The following LIG3 variants were observed in gnomAD, a reference collection of about 807,000 sequenced individuals.
LIG3 encodes DNA ligase 3, also known as ligase II, DNA, ATP-dependent.
LIG3 carries 58 observed loss-of-function variants against 110.9 expected under a neutral mutation model. The ratio of observed to expected loss-of-function variants is 0.52; its 90% confidence interval spans 0.42 to 0.65. The LOEUF (loss-of-function observed/expected upper bound fraction) is 0.65, where lower values mean the gene tolerates loss of function less well. Ranked by LOEUF, LIG3 falls within the 30% of genes least tolerant of loss-of-function variation. LIG3 has a pLI of 0.00. For missense variants in LIG3, 1,094 were observed against 1,273.8 expected (o/e 0.86, Z 2.15); for synonymous variants, 422 against 472.8 (o/e 0.89, Z 1.39).
At position 34,991,088 on chromosome 17, in the gene LIG3, GA is replaced by G; in HGVS notation, c.1016del (p.Asp339ValfsTer7). On this transcript the variant is annotated frameshift_variant, in exon 5 of 20. Transcript: ENST00000378526. LOFTEE classifies it high-confidence loss of function. The stretch of plus-strand genomic sequence containing the variant: ...CAGTCGCATTTTTAACTGCAACCCA[GA>G]TGATATGGCACGGGACCTAGAGCAG... ...LFSRIFNCNP[D>X]DMARDLEQGD... The G allele has an allele frequency of 6.2e-7, 1 of 1,614,138 alleles. No individual in the cohort carries two copies. The highest frequency in any genetic ancestry group is 8.5e-7 in the Non-Finnish European group (1 of 1,180,028).
rs1331964921 is a variant in LIG3, at chr17:35,007,454, CCTCTACATGCTG to C, written c.*2951_*2962del. The C allele has an allele frequency of 6.6e-6, 1 of 152,234 alleles. No individual in the cohort carries two copies. The highest frequency in any genetic ancestry group is 1.9e-4 in the East Asian group (1 of 5,188). 9.4% of individuals were successfully genotyped at this position (152,234 alleles called of 1,614,324 possible). ...ATGCTGGAGGCCTCCCTCTTCTGAACCTCTACATGCTGCTGGCTGGCATCAAGCAGAGGTCAT... is the reference window on the plus strand; with the variant it reads ...ATGCTGGAGGCCTCCCTCTTCTGAACCTGGCTGGCATCAAGCAGAGGTCAT... On this transcript the variant is annotated 3_prime_UTR_variant, in exon 20 of 20. Coordinates refer to ENST00000378526, the MANE Select transcript of LIG3 (RefSeq NM_013975.4).
At chr17:34,991,456 G>C (rs1294027385) in intron 5 of LIG3, 2 of 599,370 alleles carry the variant, frequency 3.3e-6, no homozygotes, top group Admixed American at 3.3e-5. Context: ...CCAAGCTTTG[G>C]TTTGTCCGTG....
In LIG3 at chr17:35,004,349, ACTT is replaced by A; in HGVS notation, c.2874_2876del (p.Phe959del). 1 of 1,614,158 alleles carries A rather than the reference ACTT, an allele frequency of 6.2e-7. No individual in the cohort carries two copies. Among genetic ancestry groups the A allele is most frequent in the Non-Finnish European group, 8.5e-7 (1 of 1,180,042 alleles). On this transcript the variant is annotated inframe_deletion, in exon 20 of 20. Coordinates refer to ENST00000378526, the MANE Select transcript of LIG3 (RefSeq NM_013975.4). ...CCAGACTTCAGCCGTCTCAGACGCT[ACTT>A]TGTGGCATTCGACGGGGACCTGGTA... is the stretch of plus-strand genomic sequence containing the variant.
rs1416614328 is a variant in LIG3, at chr17:34,998,315, G to GCTT, written c.1989+22_1989+24dup. 1 of 1,603,678 alleles carries GCTT rather than the reference G, an allele frequency of 6.2e-7. No homozygotes were observed. Among genetic ancestry groups the GCTT allele is most frequent in the African/African-American group, 1.3e-5 (1 of 74,700 alleles). Reference sequence around the variant, plus strand: ...TGTGAAGGTAAAGTGGCCTCGCTTGGCTTCTCCTGTCGACTCACTCGCAGC... The same window carrying GCTT: ...TGTGAAGGTAAAGTGGCCTCGCTTGGCTTCTTCTCCTGTCGACTCACTCGCAGC... On this transcript the variant is annotated intron_variant, in intron 13 of 19. Coordinates refer to ENST00000378526, the MANE Select transcript of LIG3 (RefSeq NM_013975.4).
In LIG3 at chr17:34,996,581, C is replaced by T; in HGVS notation, c.1751C>T (p.Ala584Val). 1.2e-6 allele frequency: 2 copies of T among 1,613,672 alleles called. No homozygotes were observed. The highest frequency in any genetic ancestry group is 1.7e-6 in the Non-Finnish European group (2 of 1,179,722). Residue 584 changes from alanine (A) to valine (V), a missense_variant, in exon 11 of 20, where the codon GCC (alanine) becomes GTC (valine). Physicochemically the swap from Ala to Val is moderately conservative, Grantham distance 64 (BLOSUM62 0). Coordinates refer to ENST00000378526, the MANE Select transcript of LIG3 (RefSeq NM_013975.4). ...FGTLGVHKKA[A>V]FQDANVCLFV... ...CCTCATTTTCCCTTACAGAAAGCAG[C>T]CTTCCAGGATGCTAATGTCTGCCTG... is the stretch of plus-strand genomic sequence containing the variant.
At chr17:34,992,268 G>A (rs2090729945) in intron 7 of LIG3, among the ~76,000 whole-genome samples, 3 of 152,238 alleles carry the variant, frequency 2.0e-5, no homozygotes, top group South Asian at 4.1e-4. Context: ...TGTGGCATAC[G>A]TTCAGTGAGT....
chr17:34,998,113 G>T, intron 12 of LIG3, 106 bp from the exon 13 acceptor site: 2 of 804,702 alleles, frequency 2.5e-6, no homozygotes, highest in East Asian at 2.5e-5. Flanking sequence ...TTCAAGTAAG[G>T]GTGTTTCCAG....
chr17:34,989,493 C>A lies in LIG3; in HGVS notation c.719C>A (p.Pro240His). ...SAKPNNSGEA[P>H]SSPTPKRSLS... The stretch of plus-strand genomic sequence containing the variant: ...AAGCCCAACAACTCTGGGGAAGCCC[C>A]CTCGAGCCCCACCCCTAAGAGAAGT... The change falls in exon 4 of 20, where the codon CCC becomes CAC. Residue 240 changes from proline (P) to histidine (H), a missense_variant. Pro to His is a moderately conservative substitution (Grantham distance 77). Coordinates refer to ENST00000378526, the MANE Select transcript of LIG3 (RefSeq NM_013975.4). 1 of 1,614,032 alleles carries A rather than the reference C, an allele frequency of 6.2e-7. No homozygotes were observed. The highest frequency in any genetic ancestry group is 1.3e-5 in the African/African-American group (1 of 75,006).
chr17:34,996,512 T>G, intron 10 of LIG3, 62 bp from the exon 11 acceptor site: 3 of 1,318,304 alleles, frequency 2.3e-6, no homozygotes, highest in Non-Finnish European at 3.3e-6. Flanking sequence ...GGACTGGTAC[T>G]CCTTATTTTT....
At position 35,004,408 on chromosome 17, in the gene LIG3, G is replaced by A. The variant is rs755498333; in HGVS notation, c.2932G>A (p.Val978Met). 41 of 1,614,094 alleles carry A rather than the reference G, an allele frequency of 2.5e-5. No homozygotes were observed. Among genetic ancestry groups the A allele is most frequent in the Non-Finnish European group, 3.4e-5 (40 of 1,180,050 alleles). ...ATTTGATATGACTTCAGCCACGCACGTGCTGGGTAGCAGGGACAAGAACCC... is the reference window on the plus strand; with the variant it reads ...ATTTGATATGACTTCAGCCACGCACATGCTGGGTAGCAGGGACAAGAACCC... ...QEFDMTSATH[V>M]LGSRDKNPAA... Residue 978 changes from valine to methionine, a missense_variant, in exon 20 of 20, where the codon GTG (valine) becomes ATG (methionine). Physicochemically the swap from Val to Met is conservative, Grantham distance 21. Transcript: ENST00000378526.
chr17:34,999,650 C>A, intron 15 of LIG3, 132 bp from the exon 16 acceptor site: 1 of 1,078,308 alleles, frequency 9.3e-7, no homozygotes, highest in Non-Finnish European at 1.4e-6. Context: ...CATACCCACT[C>A]TGGGCTGGGA....
intron 11 of LIG3, 135 bp downstream of exon 11, chr17:34,996,788 C>T (rs988031239): frequency 1.5e-5 from 11 of 734,440 alleles, no homozygotes; most frequent in Admixed American, 1.1e-4. Flanking sequence ...TGCTCAGGAG[C>T]TTGCCAAAGG....
At chr17:35,002,905 T>G (rs2090859440) in intron 19 of LIG3, 116 bp downstream of exon 19, 3 of 1,600,826 alleles carry the variant, frequency 1.9e-6, no homozygotes, top group Non-Finnish European at 8.5e-7. Context: ...GAACATCGGC[T>G]AAACCTCTTC....
rs760369065 is a variant in LIG3 at position 34,994,347 on chromosome 17, C to G, written c.1527C>G (p.Tyr509Ter). 1 of 1,614,092 alleles carries G rather than the reference C, an allele frequency of 6.2e-7. No individual in the cohort carries two copies. Among genetic ancestry groups the G allele is most frequent in the East Asian group, 2.2e-5 (1 of 44,878 alleles). ...ATGGCATGTTCTCTGAGATCAAGTACGATGGAGAGCGAGTCCAGGTGCATA... is the reference window on the plus strand; with the variant it reads ...ATGGCATGTTCTCTGAGATCAAGTAGGATGGAGAGCGAGTCCAGGTGCATA... ...CPNGMFSEIK[Y>*]DGERVQVHKN... The change falls in exon 9 of 20, where the codon TAC (tyrosine) becomes TAG (stop). Residue 509 changes from tyrosine to a stop codon, truncating the protein, a stop_gained. Coordinates refer to ENST00000378526, the MANE Select transcript of LIG3 (RefSeq NM_013975.4). LOFTEE classifies it high-confidence loss of function.
chr17:34,983,673 G>A, intron 2 of LIG3, 121 bp downstream of exon 2: 2 of 976,232 alleles, frequency 2.0e-6, no homozygotes, highest in South Asian at 1.8e-5. Context: ...GTCTCACTCT[G>A]TTGCCTAGGC....
intron 19 of LIG3, chr17:35,003,578 G>A (rs2090867848): frequency 6.1e-6 from 1 of 162,632 alleles, no homozygotes; most frequent in African/African-American, 2.4e-5. Flanking sequence ...GTCTCCCAAA[G>A]TGCTGGGATT....
rs1319603214 is a variant in LIG3, at chr17:35,008,618, TTTTG to T, written c.*4118_*4121del. 4 of 151,454 alleles carry T rather than the reference TTTTG, an allele frequency of 2.6e-5. No individual in the cohort carries two copies. The highest frequency in any genetic ancestry group is 4.9e-5 in the African/African-American group (2 of 41,060). 9.4% of individuals were successfully genotyped at this position (151,454 alleles called of 1,614,324 possible). On this transcript the variant is annotated 3_prime_UTR_variant, in exon 20 of 20. Transcript: ENST00000378526. The stretch of plus-strand genomic sequence containing the variant: ...GCTAATTTTTTGGTTTTTTTGGGTT[TTTTG>T]TTTGTGTTTTTTTTTGTTTTGTTTT...
chr17:34,983,584 C>G, intron 2 of LIG3, 32 bp downstream of exon 2: 1 of 1,577,770 alleles, frequency 6.3e-7, no homozygotes, highest in Non-Finnish European at 8.6e-7. Context: ...TCTCATCTTA[C>G]TGGTGCTGAG....
chr17:34,998,568 T>C (rs1351425780), intron 13 of LIG3, 36 bp from the exon 14 acceptor site: 2 of 1,611,066 alleles, frequency 1.2e-6, no homozygotes, highest in Admixed American at 3.3e-5. Flanking sequence ...TGGAGTTGCC[T>C]TTCTATTCTG....
Sources: allele counts gnomAD v4.1 joint callset (sites outside exome capture counted in the v4.1 genomes callset), GRCh38; gene constraint gnomAD v4.1.1; transcripts MANE v1.5; gene names NCBI Gene and HGNC (gene_info 2026-07-23, HGNC 2026-07-21).